The following SYT11 variants were observed in gnomAD, a reference collection of about 807,000 sequenced individuals.
The protein encoded by SYT11 is synaptotagmin 11.
In SYT11, 12 loss-of-function variants were observed where a neutral mutation model predicts 30.4. The ratio of observed to expected loss-of-function variants is 0.39; its 90% confidence interval spans 0.25 to 0.64. The LOEUF is 0.64. SYT11 is among the 30% of genes least tolerant of loss of function. The pLI is 0.45. For synonymous variants in SYT11, 204 were observed against 216.0 expected, an observed-to-expected ratio of 0.94 and a Z score of 0.49; for missense variants, 412 against 552.0, an observed-to-expected ratio of 0.75 and a Z score of 2.54.
rs543114004 is a variant in SYT11 at position 155,881,690 on chromosome 1, G to GT, written c.*191dup. The GT allele has an allele frequency of 5.6e-3, 2,721 of 486,834 alleles. No individual in the cohort carries two copies. Among genetic ancestry groups the GT allele is most frequent in the East Asian group, 0.013 (374 of 29,752 alleles). The allele number at this position is 486,834 out of a possible 1,614,324, so 30.2% of individuals were successfully genotyped here. On this transcript the variant is annotated 3_prime_UTR_variant, in exon 4 of 4. Transcript: ENST00000368324. ...CTGCAGATCAGTTCTTAGCAATGAT[G>GT]TTTTTTTTTCTGCTTTGCAAGGCGC...
At chr1:155,877,218 T>G (rs970229082) in intron 2 of SYT11, among the ~76,000 whole-genome samples, 1 of 152,094 alleles carries the variant, frequency 6.6e-6, no homozygotes, top group African/African-American at 2.4e-5. Context: ...TCCGCCCACC[T>G]CAGCCTCCCA....
rs1324717215 is a variant in SYT11, at chr1:155,884,922, T to C, written c.*3414T>C. Reference sequence around the variant, plus strand: ...CAGGTCCCTTTTCTTGGAAGGCTTGTACTATGGCCATGACAGTGACATTGC... The same window carrying C: ...CAGGTCCCTTTTCTTGGAAGGCTTGCACTATGGCCATGACAGTGACATTGC... On this transcript the variant is annotated 3_prime_UTR_variant, in exon 4 of 4. Transcript: ENST00000368324. The C allele has an allele frequency of 6.5e-6, 1 of 152,756 alleles. No homozygotes were observed. The highest frequency in any genetic ancestry group is 1.9e-4 in the East Asian group (1 of 5,338). 9.5% of individuals were successfully genotyped at this position (152,756 alleles called of 1,614,324 possible). A position where few individuals can be genotyped will look rare whatever the true frequency, so the allele number is the denominator to read the frequency against.
At chr1:155,875,237 G>A (rs1311554528) in intron 2 of SYT11, among the ~76,000 whole-genome samples, 2 of 111,956 alleles carry the variant, frequency 1.8e-5, no homozygotes, top group African/African-American at 6.6e-5. Context: ...GTGACAGAGC[G>A]AGACTTCATC....
At chr1:155,874,478 T>TGTGACAGAGCGAGACTTCATCTCAAAA (rs1553226161) in intron 2 of SYT11, among the ~76,000 whole-genome samples, 22 of 151,460 alleles carry the variant, frequency 1.5e-4, no homozygotes, top group Non-Finnish European at 1.8e-4. Context: ...CACATGCCTG[T>TGTGACAGAGCGAGACTTCATCTCAAAA]AGTCCCATCT....
chr1:155,867,432 T>C (rs1032140130), intron 1 of SYT11, among the ~76,000 whole-genome samples: 4 of 152,174 alleles, frequency 2.6e-5, no homozygotes, highest in Non-Finnish European at 5.9e-5. Flanking sequence ...ATTCTTCCTT[T>C]TGGCACCCAT....
Position 155,875,202 on chromosome 1 carries a change from A to G in SYT11, c.862-5298A>G, listed in dbSNP as rs181549063. Among the ~76,000 whole-genome samples, 29 of 130,782 alleles carry G rather than the reference A, an allele frequency of 2.2e-4. 1 individual carries two copies. The highest frequency in any genetic ancestry group is 3.9e-4 in the Non-Finnish European group (23 of 58,512). 85.8% of individuals were successfully genotyped at this position (130,782 alleles called of 152,430 possible). ...CAGGAGGTGGAGGTTGCAGTAAGCC[A>G]TCGCACCACTGCACTCCAGCCTGTG... On this transcript the variant is annotated intron_variant, in intron 2 of 3. Transcript: ENST00000368324.
chr1:155,881,135 T>C, intron 3 of SYT11, 63 bp from the exon 4 acceptor site: 1 of 1,513,618 alleles, frequency 6.6e-7, no homozygotes, highest in South Asian at 1.3e-5. Flanking sequence ...AAATTACCAT[T>C]ACATAGGAGA....
chr1:155,868,324 C>T lies in SYT11; in HGVS notation c.394C>T (p.Leu132=), dbSNP rs1672721067. The T allele has an allele frequency of 2.5e-6, 4 of 1,614,048 alleles. No homozygotes were observed. The highest frequency in any genetic ancestry group is 2.5e-6 in the Non-Finnish European group (3 of 1,180,010). Residue 132 remains leucine, a synonymous_variant, in exon 2 of 4, where the codon CTA becomes TTA. Coordinates refer to ENST00000368324, the MANE Select transcript of SYT11 (RefSeq NM_152280.5). The surrounding 1 kb of genome is among the most constrained non-coding windows in gnomAD (Gnocchi z 4.7). ...LPIKMDYGEE[L]RSPITSLTPG... ...CATCAAAATGGACTATGGGGAAGAA[C>T]TAAGGAGCCCTATTACAAGCCTGAC... is the stretch of plus-strand genomic sequence containing the variant.
rs139673409 is a variant in SYT11 at position 155,860,405 on chromosome 1, C to A, written c.34+610C>A. Reference sequence around the variant, plus strand: ...AACGTGAGCCCTGCAAGCTCCATTCCGCATCGTAATGGTGGGGTCCCTCCG... The same window carrying A: ...AACGTGAGCCCTGCAAGCTCCATTCAGCATCGTAATGGTGGGGTCCCTCCG... On this transcript the variant is annotated intron_variant, in intron 1 of 3. Transcript: ENST00000368324. This position sits in a 1 kb window ranked among gnomAD's most constrained non-coding sequence, Gnocchi z 4.1. 6.6e-6 allele frequency among the ~76,000 whole-genome samples: 1 copy of A among 152,324 alleles called. No homozygotes were observed. The highest frequency in any genetic ancestry group is 1.5e-5 in the Non-Finnish European group (1 of 68,030).
At chr1:155,866,089 AT>A (rs1672668089) in intron 1 of SYT11, among the ~76,000 whole-genome samples, 1 of 149,768 alleles carries the variant, frequency 6.7e-6, no homozygotes, top group South Asian at 2.1e-4. Flanking sequence ...CAAAAAAAAA[AT>A]CTATTTCTCT....
intron 2 of SYT11, among the ~76,000 whole-genome samples, chr1:155,869,612 TC>T (rs1672751260): frequency 6.6e-6 from 1 of 152,142 alleles, no homozygotes; most frequent in African/African-American, 2.4e-5. Context: ...ACAATGCAAT[TC>T]AATGAATTGC....
At chr1:155,866,949 C>A (rs1672687256) in intron 1 of SYT11, among the ~76,000 whole-genome samples, 1 of 144,304 alleles carries the variant, frequency 6.9e-6, no homozygotes, top group African/African-American at 2.5e-5. Flanking sequence ...TATACACACA[C>A]ATATACATAT....
At chr1:155,865,038 G>C (rs1372000983) in intron 1 of SYT11, among the ~76,000 whole-genome samples, 1 of 152,100 alleles carries the variant, frequency 6.6e-6, no homozygotes, top group East Asian at 1.9e-4. Context: ...ATCTGTGGAG[G>C]CTGTTTTGAA....
chr1:155,872,693 A>G (rs1445189725), intron 2 of SYT11, among the ~76,000 whole-genome samples: 1 of 152,152 alleles, frequency 6.6e-6, no homozygotes, highest in Admixed American at 6.5e-5. Context: ...GGCTCTTTCA[A>G]AAGAAAGAGC....
At chr1:155,874,526 G>A (rs970889316) in intron 2 of SYT11, among the ~76,000 whole-genome samples, 1 of 139,636 alleles carries the variant, frequency 7.2e-6, no homozygotes, top group Admixed American at 7.0e-5. Context: ...CTTGAGCCCT[G>A]GATGTCAAGG....
intron 2 of SYT11, 129 bp from the exon 3 acceptor site, chr1:155,880,371 G>A: frequency 2.9e-6 from 3 of 1,030,500 alleles, no homozygotes; most frequent in Non-Finnish European, 2.7e-6. Flanking sequence ...CAGGGGATGA[G>A]CATCTTTCCA....
At chr1:155,861,512 T>C (rs1672590356) in intron 1 of SYT11, among the ~76,000 whole-genome samples, 1 of 152,238 alleles carries the variant, frequency 6.6e-6, no homozygotes, top group African/African-American at 2.4e-5. Flanking sequence ...ACAAATACCC[T>C]CGAGTGTATG....
In SYT11 at chr1:155,868,335, T is replaced by G; in HGVS notation, c.405T>G (p.Pro135=). The G allele has an allele frequency of 1.2e-6, 2 of 1,614,008 alleles. No individual in the cohort carries two copies. The highest frequency in any genetic ancestry group is 1.7e-6 in the Non-Finnish European group (2 of 1,179,976). ...KMDYGEELRS[P]ITSLTPGESK... is the part of the protein sequence containing the mutation. ...ACTATGGGGAAGAACTAAGGAGCCC[T>G]ATTACAAGCCTGACCCCTGGGGAGA... Residue 135 remains proline, a synonymous_variant, in exon 2 of 4, where the codon CCT becomes CCG. Coordinates refer to ENST00000368324, the MANE Select transcript of SYT11 (RefSeq NM_152280.5). The surrounding 1 kb of genome is among the most constrained non-coding windows in gnomAD (Gnocchi z 4.7).
At position 155,880,489 on chromosome 1, in the gene SYT11, T is replaced by G. The variant is rs191106454; in HGVS notation, c.862-11T>G. The G allele has an allele frequency of 1.2e-5, 20 of 1,613,402 alleles. No homozygotes were observed. Among genetic ancestry groups the G allele is most frequent in the Non-Finnish European group, 1.7e-5 (20 of 1,179,612 alleles). On this transcript the variant is annotated splice_polypyrimidine_tract_variant and intron_variant, in intron 2 of 3. Transcript: ENST00000368324. The stretch of plus-strand genomic sequence containing the variant: ...CTGCCAGGATTCTCACCTGCCATTT[T>G]TTCCTCACAGAAGTGCATCAGCAGA...
Sources: gnomAD v4.1 joint callset for allele counts (sites outside exome capture counted in the v4.1 genomes callset) on GRCh38, gnomAD v4.1.1 for gene constraint, Gnocchi (gnomAD v3.1) non-coding constraint, MANE v1.5 for transcripts, NCBI Gene and HGNC (gene_info 2026-07-23, HGNC 2026-07-21) for gene names.